Variants in TTC27 observed in about 807,000 individuals in gnomAD.
TTC27 encodes tetratricopeptide repeat domain 27.
TTC27 carries 79 observed loss-of-function variants against 115.9 expected under a neutral mutation model. The ratio of observed to expected loss-of-function variants is 0.68; its 90% CI spans 0.57 to 0.82. The LOEUF is 0.82. Among genes scored for constraint, TTC27 ranks in the 40% least tolerant of loss-of-function variants. The pLI is 0.00. For missense variants in TTC27, 1,054 were observed against 993.1 expected (o/e 1.06, Z -0.82); for synonymous variants, 401 against 356.0 (o/e 1.13, Z -1.42).
chr2:32,737,009 C>G (rs907349432), intron 12 of TTC27, among the ~76,000 whole-genome samples, 193 bp downstream of exon 12: 3 of 152,124 alleles, frequency 2.0e-5, no homozygotes, highest in Admixed American at 6.5e-5. Context: ...TTAAGAAAGA[C>G]TAACAAGAGC....
At chr2:32,816,135 C>G (rs1203450425) in intron 18 of TTC27, among the ~76,000 whole-genome samples, 1 of 151,844 alleles carries the variant, frequency 6.6e-6, no homozygotes, top group African/African-American at 2.4e-5. Context: ...TAGTGAGACC[C>G]CATCTCTACC....
intron 2 of TTC27, 91 bp from the exon 3 acceptor site, chr2:32,633,785 T>C: frequency 7.1e-7 from 1 of 1,402,356 alleles, no homozygotes; most frequent in East Asian, 2.3e-5. Flanking sequence ...ATAGATATTA[T>C]TTTCTTAATA....
chr2:32,810,999 C>G (rs1352154422), intron 16 of TTC27, 25 bp from the exon 17 acceptor site: 1 of 1,611,018 alleles, frequency 6.2e-7, no homozygotes, highest in Non-Finnish European at 8.5e-7. Context: ...TTCTAACTTA[C>G]CAGTTTGTTC....
At chr2:32,752,456 A>T in intron 12 of TTC27, among the ~76,000 whole-genome samples, 1 of 152,204 alleles carries the variant, frequency 6.6e-6, no homozygotes, top group East Asian at 1.9e-4. Context: ...CAGTTGAGCA[A>T]ATAATTTAGA....
chr2:32,747,473 T>C (rs1668868941), intron 12 of TTC27, among the ~76,000 whole-genome samples: 1 of 152,230 alleles, frequency 6.6e-6, no homozygotes, highest in Non-Finnish European at 1.5e-5. Flanking sequence ...TAATAAAGTG[T>C]TCTGTATCTT....
At chr2:32,726,439 G>T (rs1668111762) in intron 10 of TTC27, among the ~76,000 whole-genome samples, 1 of 152,150 alleles carries the variant, frequency 6.6e-6, no homozygotes, top group South Asian at 2.1e-4. Flanking sequence ...CATCTCTAGG[G>T]CAGGGGCAAA....
rs1199215944 is a variant in TTC27 at position 32,661,616 on chromosome 2, T to C, written c.641-2687T>C. 1.6e-4 allele frequency among the ~76,000 whole-genome samples: 24 copies of C among 152,218 alleles called. 1 individual carries two copies. The highest frequency in any genetic ancestry group is 5.9e-5 in the Non-Finnish European group (4 of 68,028). ...AATATGTGATTTTTGTAGATTGATT[T>C]TGTATCCTGAGACTTTGCTGAAGTT... On this transcript the variant is annotated intron_variant, in intron 5 of 19. Coordinates refer to ENST00000317907, the MANE Select transcript of TTC27 (RefSeq NM_017735.5).
rs373346751 is a variant in TTC27, at chr2:32,729,198, A to G, written c.1234-4630A>G. 3.3e-4 allele frequency among the ~76,000 whole-genome samples: 50 copies of G among 152,360 alleles called. No homozygotes were observed. The South Asian group carries it at 9.7e-3, about 30-fold the overall frequency. ...GGGTAGGTCCTTTGGGACTATCTCTATTCTTTTGAAAACGTGTGCCATACT... is the reference window on the plus strand; with the variant it reads ...GGGTAGGTCCTTTGGGACTATCTCTGTTCTTTTGAAAACGTGTGCCATACT... On this transcript the variant is annotated intron_variant, in intron 10 of 19. Transcript: ENST00000317907.
intron 19 of TTC27, among the ~76,000 whole-genome samples, chr2:32,818,136 C>T (rs1671568213): frequency 6.6e-6 from 1 of 151,702 alleles, no homozygotes; most frequent in Non-Finnish European, 1.5e-5. Flanking sequence ...TAAAACAATG[C>T]TCTTGTATTT....
At chr2:32,704,956 C>G (rs963744134) in intron 10 of TTC27, 1 of 469,976 alleles carries the variant, frequency 2.1e-6, no homozygotes, top group East Asian at 6.9e-5. Flanking sequence ...TAAAGTTACT[C>G]TACTCTTTTC....
At chr2:32,754,580 A>G (rs76298095) in intron 12 of TTC27, among the ~76,000 whole-genome samples, 18,595 of 148,140 alleles carry the variant, frequency 0.13, 1,479 homozygotes, top group Middle Eastern at 0.25. Context: ...CGATTTCTCA[A>G]TCTTTTCCCC....
intron 10 of TTC27, among the ~76,000 whole-genome samples, chr2:32,707,536 C>G (rs932167883): frequency 6.6e-6 from 1 of 152,096 alleles, no homozygotes; most frequent in Non-Finnish European, 1.5e-5. Context: ...CTGTCTTGCT[C>G]AAGTCTACTT....
chr2:32,677,054 A>G (rs1666236180), intron 8 of TTC27, among the ~76,000 whole-genome samples: 1 of 152,094 alleles, frequency 6.6e-6, no homozygotes, highest in African/African-American at 2.4e-5. Context: ...TGCCTTTTAA[A>G]AAAAATTTTA....
At chr2:32,780,169 C>T (rs1670127808) in intron 14 of TTC27, 2 of 426,942 alleles carry the variant, frequency 4.7e-6, no homozygotes, top group South Asian at 1.7e-5. Flanking sequence ...TTCAGCATTC[C>T]TTGAATTTTC....
chr2:32,698,466 A>T (rs1232380523), intron 9 of TTC27, among the ~76,000 whole-genome samples: 17 of 98,536 alleles, frequency 1.7e-4, no homozygotes, highest in African/African-American at 4.5e-4. Flanking sequence ...ATTTTTTAGC[A>T]TTTGGAACAT....
intron 10 of TTC27, among the ~76,000 whole-genome samples, chr2:32,716,801 C>T (rs981279278): frequency 6.6e-6 from 1 of 151,736 alleles, no homozygotes; most frequent in Non-Finnish European, 1.5e-5. Context: ...TCAAGTGATC[C>T]TCCCACCTCA....
chr2:32,665,935 C>A (rs2151880335), intron 6 of TTC27, among the ~76,000 whole-genome samples: 1 of 152,142 alleles, frequency 6.6e-6, no homozygotes, highest in South Asian at 2.1e-4. Flanking sequence ...CTGTATCAAA[C>A]AATTTCAGTG....
intron 13 of TTC27, among the ~76,000 whole-genome samples, chr2:32,775,911 G>T (rs531888217): frequency 6.6e-6 from 1 of 152,068 alleles, no homozygotes; most frequent in Admixed American, 6.5e-5. Context: ...CAGACTTTAG[G>T]TTCTCTCAGA....
chr2:32,761,544 TCC>T (rs1363309231), intron 13 of TTC27, among the ~76,000 whole-genome samples: 1 of 152,014 alleles, frequency 6.6e-6, no homozygotes, highest in East Asian at 1.9e-4. Context: ...CCTCCAATTC[TCC>T]CCTTTTCTCA....
Sources: allele counts gnomAD v4.1 joint callset (sites outside exome capture counted in the v4.1 genomes callset), GRCh38; gene constraint gnomAD v4.1.1; transcripts MANE v1.5; gene names NCBI Gene and HGNC (gene_info 2026-07-23, HGNC 2026-07-21).